The following DENND2C variants were observed in gnomAD, a reference collection of about 807,000 sequenced individuals.
DENND2C encodes DENN domain-containing protein 2C.
A neutral mutation model predicts 112.4 loss-of-function variants in DENND2C; 72 were observed. The observed-to-expected ratio is 0.64, with a 90% CI of 0.53 to 0.78. DENND2C has a LOEUF of 0.78. DENND2C is among the 30% of genes least tolerant of loss of function. The pLI is 0.00. For synonymous variants in DENND2C, 329 were observed against 381.6 expected (o/e 0.86, Z 1.61); for missense variants, 992 against 1,113.8 (o/e 0.89, Z 1.56).
chr1:114,592,719 C>CAAAAAT (rs926895021), intron 18 of DENND2C, among the ~76,000 whole-genome samples: 3 of 151,954 alleles, frequency 2.0e-5, no homozygotes, highest in Non-Finnish European at 4.4e-5. Flanking sequence ...GACCCTGTCT[C>CAAAAAT]AAAAATAAAA....
intron 18 of DENND2C, 128 bp downstream of exon 18, chr1:114,594,345 T>C: frequency 1.4e-6 from 1 of 726,204 alleles, no homozygotes; most frequent in Non-Finnish European, 2.3e-6. Context: ...GGAAGCTGAT[T>C]ATAGGATTTT....
chr1:114,622,191 G>A, intron 6 of DENND2C, 126 bp from the exon 7 acceptor site: 1 of 980,304 alleles, frequency 1.0e-6, no homozygotes, highest in Non-Finnish European at 1.5e-6. Flanking sequence ...ATGGCTCATT[G>A]CAGCCTTGAT....
chr1:114,631,710 AG>A (rs1404920832), intron 3 of DENND2C, among the ~76,000 whole-genome samples: 1 of 152,150 alleles, frequency 6.6e-6, no homozygotes, highest in African/African-American at 2.4e-5. Context: ...AGAACATGGG[AG>A]GCGGAGCTTG....
At chr1:114,606,493 A>C (rs1451630643) in intron 10 of DENND2C, among the ~76,000 whole-genome samples, 1 of 152,190 alleles carries the variant, frequency 6.6e-6, no homozygotes, top group African/African-American at 2.4e-5. Context: ...AGATAACTGA[A>C]ATGAAAGAAG....
At chr1:114,649,390 G>T (rs548834937) in intron 2 of DENND2C, among the ~76,000 whole-genome samples, 2 of 152,100 alleles carry the variant, frequency 1.3e-5, no homozygotes, top group African/African-American at 4.8e-5. Flanking sequence ...TTTTTGTTTT[G>T]TTTTGTTTTT....
intron 2 of DENND2C, among the ~76,000 whole-genome samples, chr1:114,650,604 G>GTGGAGCT (rs544307053): frequency 2.4e-3 from 364 of 149,522 alleles, no homozygotes; most frequent in African/African-American, 8.4e-3. Flanking sequence ...AACCCAGGAG[G>GTGGAGCT]TGGAGCTTGC....
At chr1:114,646,149 G>A (rs569351875) in intron 2 of DENND2C, among the ~76,000 whole-genome samples, 1 of 151,952 alleles carries the variant, frequency 6.6e-6, no homozygotes, top group Non-Finnish European at 1.5e-5. Flanking sequence ...GGATGGTCTC[G>A]ATCTCCTGAC....
At chr1:114,589,516 C>A (rs993344816) in intron 18 of DENND2C, among the ~76,000 whole-genome samples, 1 of 152,000 alleles carries the variant, frequency 6.6e-6, no homozygotes, top group African/African-American at 2.4e-5. Flanking sequence ...TTCATCACTG[C>A]ATTTATCTTT....
chr1:114,599,283 G>C lies in DENND2C; in HGVS notation c.2274C>G (p.Pro758=). ...SCSLPQLQDL[P]IEEVLIVDLC... is the part of the protein sequence containing the mutation. ...CATTCTTCTATCTCACCTCTTCAAT[G>C]GGTAGGTCCTGGAGCTGTGGTAAGG... The change falls in exon 16 of 21, where the codon CCC becomes CCG. Residue 758 remains proline (P), a synonymous_variant. Transcript: ENST00000393274. 1 of 1,607,546 alleles carries C rather than the reference G, an allele frequency of 6.2e-7. No homozygotes were observed.
At chr1:114,622,748 A>G (rs1477087895) in intron 6 of DENND2C, among the ~76,000 whole-genome samples, 13 of 151,436 alleles carry the variant, frequency 8.6e-5, no homozygotes, top group Admixed American at 8.6e-4. Context: ...TGAAAAGTTC[A>G]TGGCTGTCTA....
chr1:114,618,321 A>G, intron 8 of DENND2C, 65 bp downstream of exon 8: 1 of 1,214,882 alleles, frequency 8.2e-7, no homozygotes, highest in Non-Finnish European at 1.1e-6. Flanking sequence ...ACATTAAGTT[A>G]TATGGTGATT....
At chr1:114,600,451 G>T in intron 14 of DENND2C, 99 bp from the exon 15 acceptor site, 1 of 1,486,868 alleles carries the variant, frequency 6.7e-7, no homozygotes, top group Non-Finnish European at 9.2e-7. Context: ...TTAAATTCAA[G>T]AAAGGTCTGC....
chr1:114,630,458 C>T (rs528282152), intron 3 of DENND2C, among the ~76,000 whole-genome samples: 1 of 152,224 alleles, frequency 6.6e-6, no homozygotes, highest in South Asian at 2.1e-4. Flanking sequence ...CTTTCAGATA[C>T]TGGATAACAG....
At chr1:114,657,561 A>G (rs1657368539) in intron 1 of DENND2C, among the ~76,000 whole-genome samples, 1 of 152,174 alleles carries the variant, frequency 6.6e-6, no homozygotes, top group African/African-American at 2.4e-5. Context: ...GTGGTCAACA[A>G]TTGACAGATA....
chr1:114,623,453 G>T, intron 5 of DENND2C, 54 bp downstream of exon 5: 2 of 1,540,782 alleles, frequency 1.3e-6, no homozygotes, highest in Non-Finnish European at 8.9e-7. Flanking sequence ...TACAATTAAG[G>T]GCTTCACCAA....
intron 3 of DENND2C, among the ~76,000 whole-genome samples, chr1:114,640,555 C>G (rs1328789097): frequency 1.3e-5 from 2 of 152,024 alleles, no homozygotes; most frequent in Admixed American, 6.6e-5. Flanking sequence ...TGTGTGTGAC[C>G]ATGGTGGGGT....
chr1:114,611,667 A>T (rs1655820848), intron 8 of DENND2C, among the ~76,000 whole-genome samples: 4 of 152,102 alleles, frequency 2.6e-5, no homozygotes, highest in Non-Finnish European at 5.9e-5. Context: ...CAGTACTCAT[A>T]CTGCTTTGAA....
At chr1:114,599,137 T>A (rs1481582872) in intron 16 of DENND2C, 137 bp downstream of exon 16, 1 of 568,820 alleles carries the variant, frequency 1.8e-6, no homozygotes, top group African/African-American at 1.9e-5. Flanking sequence ...TAAACAGCAA[T>A]ATTATAATAA....
At chr1:114,589,781 TC>T (rs1655136496) in intron 18 of DENND2C, among the ~76,000 whole-genome samples, 1 of 152,218 alleles carries the variant, frequency 6.6e-6, no homozygotes, top group African/African-American at 2.4e-5. Flanking sequence ...CTTTACATAT[TC>T]TTTGATATGT....
Sources: allele counts gnomAD v4.1 joint callset (sites outside exome capture counted in the v4.1 genomes callset), GRCh38; gene constraint gnomAD v4.1.1; transcripts MANE v1.5; gene names NCBI Gene and HGNC (gene_info 2026-07-23, HGNC 2026-07-21).